PSMD9: variants seen among roughly 807,000 people sequenced by gnomAD.
PSMD9 encodes proteasome 26S subunit, non-ATPase 9.
PSMD9 carries 26 observed loss-of-function variants against 25.9 expected under a neutral mutation model. That is an observed-to-expected ratio of 1.00 (90% CI 0.73 to 1.39). PSMD9 has a LOEUF of 1.39. Ranked by LOEUF, PSMD9 falls within the 40% of genes most tolerant of loss-of-function variation. PSMD9 has a pLI of 0.00. For synonymous variants in PSMD9, 110 were observed against 114.5 expected, an observed-to-expected ratio of 0.96 and a Z score of 0.25; for missense variants, 303 against 299.3, an observed-to-expected ratio of 1.01 and a Z score of -0.09.
chr12:121,907,319 C>T (rs1879590852), intron 4 of PSMD9, among the ~76,000 whole-genome samples: 1 of 151,976 alleles, frequency 6.6e-6, no homozygotes, highest in Admixed American at 6.6e-5. Flanking sequence ...ATCTGCCCGC[C>T]TCGGCCTCCC....
chr12:121,901,229 G>T (rs1488604131), intron 3 of PSMD9, among the ~76,000 whole-genome samples: 1 of 152,082 alleles, frequency 6.6e-6, no homozygotes, highest in Non-Finnish European at 1.5e-5. Flanking sequence ...TCTACTTTCT[G>T]TCTCTATGTA....
At chr12:121,895,133 C>A (rs1879195649) in intron 2 of PSMD9, among the ~76,000 whole-genome samples, 1 of 151,968 alleles carries the variant, frequency 6.6e-6, no homozygotes, top group East Asian at 1.9e-4. Flanking sequence ...CAGTCTCAAC[C>A]CCCCAGGCTC....
chr12:121,903,448 T>C (rs936392310), intron 4 of PSMD9, among the ~76,000 whole-genome samples: 7 of 152,152 alleles, frequency 4.6e-5, no homozygotes, highest in Non-Finnish European at 1.0e-4. Context: ...TTTCAACATA[T>C]GAATTTCAGG....
rs1208160409 is a variant in PSMD9 at position 121,894,833 on chromosome 12, A to T, written c.233A>T (p.Asn78Ile). Reference protein sequence around the residue: ...DLYQVRTARHNIICLQNDHKA... With the variant: ...DLYQVRTARHIIICLQNDHKA... ...TACCAAGTCCGCACCGCCAGGCACAACATCATATGTGAGTGGCCCTCTTAG... is the reference window on the plus strand; with the variant it reads ...TACCAAGTCCGCACCGCCAGGCACATCATCATATGTGAGTGGCCCTCTTAG... The change falls in exon 2 of 6, where the codon AAC (asparagine) becomes ATC (isoleucine). Residue 78 changes from asparagine (N) to isoleucine (I), a missense_variant. Coordinates refer to ENST00000541212, the MANE Select transcript of PSMD9 (RefSeq NM_002813.7). The T allele has an allele frequency of 6.2e-7, 1 of 1,613,218 alleles. No individual in the cohort carries two copies. Among genetic ancestry groups the T allele is most frequent in the Non-Finnish European group, 8.5e-7 (1 of 1,179,556 alleles).
At chr12:121,894,889 G>A (rs1005184117) in intron 2 of PSMD9, 48 bp downstream of exon 2, 3 of 1,492,210 alleles carry the variant, frequency 2.0e-6, no homozygotes, top group African/African-American at 2.8e-5. Flanking sequence ...GTGGGAAGGT[G>A]TTAAAGGCAT....
intron 4 of PSMD9, among the ~76,000 whole-genome samples, chr12:121,909,602 A>G (rs1879658950): frequency 6.6e-6 from 1 of 151,974 alleles, no homozygotes; most frequent in Non-Finnish European, 1.5e-5. Flanking sequence ...ATTATTAAGC[A>G]TGAGCCACCA....
chr12:121,911,747 C>T, intron 4 of PSMD9, among the ~76,000 whole-genome samples: 1 of 151,546 alleles, frequency 6.6e-6, no homozygotes. Context: ...CTCCGCCTCC[C>T]AGGTTAGTGA....
chr12:121,913,091 C>A (rs1394746368), intron 4 of PSMD9, among the ~76,000 whole-genome samples: 1 of 151,902 alleles, frequency 6.6e-6, no homozygotes, highest in South Asian at 2.1e-4. Context: ...CGTCCACCAC[C>A]AAGCCTGGCT....
rs183937660 is a variant in PSMD9, at chr12:121,908,646, C to G, written c.555+5539C>G. Among the ~76,000 whole-genome samples, 123 of 152,210 alleles carry G rather than the reference C, an allele frequency of 8.1e-4. 1 individual carries two copies. The Middle Eastern group carries it at 0.014, about 17-fold the overall frequency. On this transcript the variant is annotated intron_variant, in intron 4 of 5. Coordinates refer to ENST00000541212, the MANE Select transcript of PSMD9 (RefSeq NM_002813.7). ...GGGAGCCAGGCCTTAATCAAATAAT[C>G]TCAGCTGTATAATGATACACACTGA...
chr12:121,905,348 C>T (rs1008752382), intron 4 of PSMD9, among the ~76,000 whole-genome samples: 1 of 150,746 alleles, frequency 6.6e-6, no homozygotes, highest in African/African-American at 2.5e-5. Context: ...CTCAGCCTCC[C>T]GAGTAGCTGG....
rs1879907555 is a variant in PSMD9, at chr12:121,916,491, T to G, written c.*180T>G. On this transcript the variant is annotated 3_prime_UTR_variant, in exon 6 of 6. Transcript: ENST00000541212. ...GTAATCTCCCTGGATTAAGGCATTC[T>G]TAAAAACTTAGGCTTGGCCTCTTTC... 2.7e-6 allele frequency: 2 copies of G among 731,676 alleles called. No homozygotes were observed. Among genetic ancestry groups the G allele is most frequent in the Non-Finnish European group, 4.5e-6 (2 of 445,634 alleles). 45.3% of individuals were successfully genotyped at this position (731,676 alleles called of 1,614,324 possible).
At chr12:121,908,941 G>A (rs1255305667) in intron 4 of PSMD9, among the ~76,000 whole-genome samples, 1 of 152,138 alleles carries the variant, frequency 6.6e-6, no homozygotes, top group Non-Finnish European at 1.5e-5. Flanking sequence ...TTAAGGTCAG[G>A]CCTGTGGTCC....
At chr12:121,909,014 T>C (rs148239696) in intron 4 of PSMD9, among the ~76,000 whole-genome samples, 145 of 150,664 alleles carry the variant, frequency 9.6e-4, no homozygotes, top group African/African-American at 3.5e-3. Context: ...CAGTTCCAGA[T>C]TGGGGTGTGA....
In PSMD9 at chr12:121,909,392, C is replaced by T. The variant is rs376769323; in HGVS notation, c.555+6285C>T. 6.6e-5 allele frequency among the ~76,000 whole-genome samples: 10 copies of T among 151,722 alleles called. No homozygotes were observed. In the East Asian group the frequency reaches 1.4e-3, roughly 21 times the overall value. On this transcript the variant is annotated intron_variant, in intron 4 of 5. Coordinates refer to ENST00000541212, the MANE Select transcript of PSMD9 (RefSeq NM_002813.7). ...GCAGTGGTGCAATCATAGCTCACTG[C>T]AGCCTCAAACTCCAGGGCTTGAGCA...
In PSMD9 at chr12:121,916,151, A is replaced by C. The variant is rs1009942731; in HGVS notation, c.645-133A>C. 30 of 1,293,580 alleles carry C rather than the reference A, an allele frequency of 2.3e-5. No homozygotes were observed. In the African/African-American group the frequency reaches 3.8e-4, roughly 16 times the overall value. 80.1% of individuals were successfully genotyped at this position (1,293,580 alleles called of 1,614,324 possible). On this transcript the variant is annotated intron_variant, in intron 5 of 5. Coordinates refer to ENST00000541212, the MANE Select transcript of PSMD9 (RefSeq NM_002813.7). ...CAGAGTCTCTCCTGGGAGTCTCTCC[A>C]GTTCATTCATGCACTAGGCATTTGC...
At chr12:121,895,279 G>A (rs1879199251) in intron 2 of PSMD9, among the ~76,000 whole-genome samples, 1 of 152,132 alleles carries the variant, frequency 6.6e-6, no homozygotes, top group Non-Finnish European at 1.5e-5. Flanking sequence ...GACTCAAGTG[G>A]TCCTCCTGCC....
chr12:121,890,926 G>A (rs1013972487), intron 1 of PSMD9, among the ~76,000 whole-genome samples: 3 of 151,778 alleles, frequency 2.0e-5, no homozygotes, highest in Non-Finnish European at 1.5e-5. Flanking sequence ...CTTTCAGCCT[G>A]AAACCGTGCT....
rs990620480 is a variant in PSMD9 at position 121,918,137 on chromosome 12, T to G, written c.*1826T>G. ...GCCAGACCGGTTTTGCGGAAACGCT[T>G]TGTGCTGAGAACCGCAAGCTGGTGC... On this transcript the variant is annotated 3_prime_UTR_variant, in exon 6 of 6. Transcript: ENST00000541212. The surrounding 1 kb of genome is among the most constrained non-coding windows in gnomAD (Gnocchi z 4.3). 2 of 152,232 alleles carry G rather than the reference T, an allele frequency of 1.3e-5. No individual in the cohort carries two copies. The highest frequency in any genetic ancestry group is 4.8e-5 in the African/African-American group (2 of 41,462). 9.4% of individuals were successfully genotyped at this position (152,232 alleles called of 1,614,324 possible).
intron 3 of PSMD9, chr12:121,902,451 A>G (rs1261673693): frequency 6.5e-6 from 1 of 154,118 alleles, no homozygotes; most frequent in Non-Finnish European, 1.4e-5. Flanking sequence ...TACCCCATCT[A>G]CTGCATCTAA....
Sources: gnomAD v4.1 joint callset for allele counts (sites outside exome capture counted in the v4.1 genomes callset) on GRCh38, gnomAD v4.1.1 for gene constraint, Gnocchi (gnomAD v3.1) non-coding constraint, MANE v1.5 for transcripts, NCBI Gene and HGNC (gene_info 2026-07-23, HGNC 2026-07-21) for gene names.